DPYD: variants seen among roughly 807,000 people sequenced by gnomAD.
DPYD encodes dihydropyrimidine dehydrogenase [NADP(+)].
Under a neutral mutation model 116.2 loss-of-function variants are expected in DPYD, and 109 were observed. The ratio of observed to expected loss-of-function variants is 0.94; its 90% CI spans 0.80 to 1.10. The LOEUF (loss-of-function observed/expected upper bound fraction) is 1.10. Ranked by LOEUF, DPYD falls within the 50% of genes least tolerant of loss-of-function variation. The pLI is 0.00. For synonymous variants in DPYD, 440 were observed against 432.0 expected (o/e 1.02, Z -0.23); for missense variants, 1,302 against 1,254.5 (o/e 1.04, Z -0.57).
At chr1:97,557,830 A>C (rs1651857345) in intron 11 of DPYD, among the ~76,000 whole-genome samples, 1 of 152,244 alleles carries the variant, frequency 6.6e-6, no homozygotes, top group Admixed American at 6.5e-5. Flanking sequence ...ATGGATCTCT[A>C]GTACATGGCA....
intron 8 of DPYD, among the ~76,000 whole-genome samples, chr1:97,637,181 T>C (rs558648592): frequency 4.6e-5 from 7 of 152,212 alleles, no homozygotes; most frequent in African/African-American, 7.2e-5. Flanking sequence ...GAGAGTTTCA[T>C]GGCATGAAGA....
chr1:97,751,458 GTGTATATATA>G (rs1404474820), intron 3 of DPYD, among the ~76,000 whole-genome samples: 1 of 22,048 alleles, frequency 4.5e-5, no homozygotes, highest in Non-Finnish European at 8.6e-5. Context: ...GTGTGTGTGT[GTGTATATATA>G]TATATATATA....
At chr1:97,341,003 C>T (rs564275017) in intron 16 of DPYD, among the ~76,000 whole-genome samples, 1 of 152,082 alleles carries the variant, frequency 6.6e-6, no homozygotes, top group African/African-American at 2.4e-5. Flanking sequence ...CCTACCTCAC[C>T]CCTTTATCAA....
In DPYD at chr1:97,541,611, T is replaced by C. The variant is rs547200914; in HGVS notation, c.1524+7949A>G. On this transcript the variant is annotated intron_variant, in intron 12 of 22. Transcript: ENST00000370192. ...TGAGAAAATATCTATATGCTTTAAA[T>C]AAAATTATAAGCTTTGGTCATGTGC... Among the ~76,000 whole-genome samples, 38 of 152,300 alleles carry C rather than the reference T, an allele frequency of 2.5e-4. No individual in the cohort carries two copies. In the East Asian group the frequency reaches 5.6e-3, roughly 22 times the overall value.
chr1:97,338,592 G>A (rs1286887721), intron 16 of DPYD, among the ~76,000 whole-genome samples: 1 of 152,074 alleles, frequency 6.6e-6, no homozygotes, highest in African/African-American at 2.4e-5. Context: ...GGAGGGTAGG[G>A]GTGATGCAAT....
At chr1:97,098,393 T>C in intron 21 of DPYD, 96 bp downstream of exon 21, 1 of 1,426,064 alleles carries the variant, frequency 7.0e-7, no homozygotes, top group East Asian at 2.3e-5. Flanking sequence ...TAAAACCAAA[T>C]TAGTGATACA....
chr1:97,699,631 T>C, intron 5 of DPYD, 84 bp from the exon 6 acceptor site: 1 of 1,329,690 alleles, frequency 7.5e-7, no homozygotes, highest in Non-Finnish European at 1.1e-6. Context: ...AAACGAATTC[T>C]TGTTTTAAAT....
chr1:97,520,809 C>T (rs1648595662), intron 12 of DPYD, among the ~76,000 whole-genome samples: 1 of 152,070 alleles, frequency 6.6e-6, no homozygotes, highest in Non-Finnish European at 1.5e-5. Flanking sequence ...ATGAACTAAT[C>T]CCTTTTGGAG....
intron 18 of DPYD, among the ~76,000 whole-genome samples, chr1:97,256,083 A>G (rs1663440821): frequency 6.6e-6 from 1 of 152,092 alleles, no homozygotes; most frequent in African/African-American, 2.4e-5. Flanking sequence ...GCCTATTTTA[A>G]GACTTTATGT....
intron 18 of DPYD, chr1:97,279,847 T>A (rs1023249144): frequency 2.0e-5 from 3 of 152,078 alleles, no homozygotes; most frequent in African/African-American, 7.2e-5. Context: ...ATATCAAAAC[T>A]AGTGGAAGGC....
At chr1:97,267,038 T>C (rs1179016954) in intron 18 of DPYD, among the ~76,000 whole-genome samples, 1 of 152,200 alleles carries the variant, frequency 6.6e-6, no homozygotes, top group Non-Finnish European at 1.5e-5. Flanking sequence ...CCTTTGGGTA[T>C]ATACCCCGTA....
At chr1:97,402,634 T>G (rs1230598648) in intron 14 of DPYD, among the ~76,000 whole-genome samples, 1 of 152,074 alleles carries the variant, frequency 6.6e-6, no homozygotes, top group African/African-American at 2.4e-5. Context: ...TAGCTAGAAG[T>G]TCCAGTATAA....
chr1:97,635,626 C>T (rs142146826), intron 8 of DPYD, among the ~76,000 whole-genome samples: 1 of 152,214 alleles, frequency 6.6e-6, no homozygotes, highest in East Asian at 1.9e-4. Flanking sequence ...GCAGGGAATA[C>T]GTCTGCTAAA....
chr1:97,767,671 C>A (rs567648341), intron 3 of DPYD, among the ~76,000 whole-genome samples: 14 of 151,418 alleles, frequency 9.2e-5, no homozygotes, highest in African/African-American at 3.4e-4. Flanking sequence ...GAACAACCTA[C>A]ACAATTCAGC....
intron 14 of DPYD, among the ~76,000 whole-genome samples, chr1:97,436,297 C>T (rs1009421498): frequency 3.9e-5 from 6 of 151,918 alleles, no homozygotes; most frequent in Non-Finnish European, 7.4e-5. Flanking sequence ...ATTATGTAAG[C>T]GAGCCTACTG....
intron 11 of DPYD, among the ~76,000 whole-genome samples, chr1:97,550,753 A>C (rs914465681): frequency 3.9e-5 from 6 of 152,180 alleles, no homozygotes; most frequent in African/African-American, 1.2e-4. Context: ...AAAGGAAGAG[A>C]GCTTGGGAGA....
intron 8 of DPYD, among the ~76,000 whole-genome samples, chr1:97,623,237 A>G (rs1242169135): frequency 6.6e-6 from 1 of 152,036 alleles, no homozygotes; most frequent in Non-Finnish European, 1.5e-5. Context: ...GGTGTCCCCC[A>G]CAAAAAAGCA....
At chr1:97,784,563 G>A (rs750886673) in intron 3 of DPYD, among the ~76,000 whole-genome samples, 7 of 152,006 alleles carry the variant, frequency 4.6e-5, no homozygotes, top group Non-Finnish European at 1.0e-4. Flanking sequence ...CAAAATAGGC[G>A]ATTACTTTAC....
At chr1:97,573,098 A>C (rs1653012694) in intron 11 of DPYD, among the ~76,000 whole-genome samples, 1 of 152,120 alleles carries the variant, frequency 6.6e-6, no homozygotes, top group Admixed American at 6.6e-5. Flanking sequence ...CTAGATACAT[A>C]AGCTTTCATC....
Sources: allele counts gnomAD v4.1 joint callset (sites outside exome capture counted in the v4.1 genomes callset), GRCh38; gene constraint gnomAD v4.1.1; transcripts MANE v1.5; gene names NCBI Gene and HGNC (gene_info 2026-07-23, HGNC 2026-07-21).